Variants in SUPT5H observed in about 807,000 individuals in gnomAD.
The protein encoded by SUPT5H is transcription elongation factor SPT5.
Under a neutral mutation model 142.5 loss-of-function variants are expected in SUPT5H, and 24 were observed. The ratio of observed to expected loss-of-function variants is 0.17; its 90% CI spans 0.12 to 0.24. The LOEUF (loss-of-function observed/expected upper bound fraction) is 0.24, where lower values mean the gene tolerates loss of function less well. Among genes scored for constraint, SUPT5H ranks in the 10% least tolerant of loss-of-function variants. The probability of loss-of-function intolerance (pLI) is 1.00; values close to 1 mark genes in which losing one functional copy is unlikely to be tolerated. For missense variants in SUPT5H, 893 were observed against 1,471.8 expected (o/e 0.61, Z 6.43); for synonymous variants, 546 against 553.0 (o/e 0.99, Z 0.18).
Position 39,473,604 on chromosome 19 carries a change from T to G in SUPT5H, c.2492+83T>G. ...GGGTGTCTGGGGCATTGGAGGGGTT[T>G]GTGGGGCCCACCCAGCATTCTCTGC... On this transcript the variant is annotated intron_variant, in intron 25 of 29. Coordinates refer to ENST00000432763, the MANE Select transcript of SUPT5H (RefSeq NM_001111020.3). The surrounding 1 kb of genome is among the most constrained non-coding windows in gnomAD (Gnocchi z 5.8). 1.4e-6 allele frequency: 2 copies of G among 1,442,512 alleles called. No homozygotes were observed. Among genetic ancestry groups the G allele is most frequent in the Non-Finnish European group, 1.9e-6 (2 of 1,062,888 alleles). The allele number at this position is 1,442,512 out of a possible 1,614,324, so 89.4% of individuals were successfully genotyped here. A position where few individuals can be genotyped will look rare whatever the true frequency, so the allele number is the denominator to read the frequency against.
chr19:39,459,721 C>T (rs1704606495), intron 9 of SUPT5H, 132 bp downstream of exon 9: 5 of 1,316,240 alleles, frequency 3.8e-6, no homozygotes, highest in African/African-American at 1.4e-5. Context: ...CCATCCCTCA[C>T]TCCACGTTAC....
intron 7 of SUPT5H, 52 bp downstream of exon 7, chr19:39,459,125 G>A (rs2079128072): frequency 4.3e-6 from 7 of 1,613,486 alleles, no homozygotes; most frequent in Middle Eastern, 1.6e-4. Flanking sequence ...GTCCCTAAGC[G>A]GGAAGGGGCG....
chr19:39,445,773 G>T, intron 1 of SUPT5H, 31 bp from the exon 2 acceptor site: 2 of 1,245,808 alleles, frequency 1.6e-6, no homozygotes, highest in Non-Finnish European at 2.3e-6. Flanking sequence ...CGAGCCTGCC[G>T]GAAGCGCCCT....
intron 3 of SUPT5H, among the ~76,000 whole-genome samples, chr19:39,456,849 AC>A (rs1261745341): frequency 6.6e-6 from 1 of 152,180 alleles, no homozygotes; most frequent in Non-Finnish European, 1.5e-5. Flanking sequence ...GTGAGCCACC[AC>A]GTCCAGCCTT....
Position 39,472,257 on chromosome 19 carries a change from G to A in SUPT5H, c.1951-152G>A. 2 of 695,806 alleles carry A rather than the reference G, an allele frequency of 2.9e-6. No homozygotes were observed. Among genetic ancestry groups the A allele is most frequent in the Admixed American group, 5.0e-5 (2 of 40,362 alleles). 43.1% of individuals were successfully genotyped at this position (695,806 alleles called of 1,614,324 possible). A position where few individuals can be genotyped will look rare whatever the true frequency, so the allele number is the denominator to read the frequency against. ...GCCCTGAGGTGGGGCTTGTAGGAAA[G>A]TGTGCAGGACCAGCTGTCACAGAGG... On this transcript the variant is annotated intron_variant, in intron 20 of 29. Transcript: ENST00000432763. The surrounding 1 kb of genome is among the most constrained non-coding windows in gnomAD (Gnocchi z 4.2).
At chr19:39,450,952 G>A (rs1054246688) in intron 2 of SUPT5H, among the ~76,000 whole-genome samples, 1 of 152,056 alleles carries the variant, frequency 6.6e-6, no homozygotes, top group Non-Finnish European at 1.5e-5. Context: ...TTGTGTTTAT[G>A]ACAAACCTTC....
At position 39,474,354 on chromosome 19, in the gene SUPT5H, C is replaced by G; in HGVS notation, c.2772C>G (p.Thr924=). 6.2e-7 allele frequency: 1 copy of G among 1,614,150 alleles called. No individual in the cohort carries two copies. Among genetic ancestry groups the G allele is most frequent in the South Asian group, 1.1e-5 (1 of 91,082 alleles). The change falls in exon 27 of 30, where the codon ACC becomes ACG. Residue 924 remains threonine, a synonymous_variant. Transcript: ENST00000432763. The surrounding 1 kb of genome is among the most constrained non-coding windows in gnomAD (Gnocchi z 6.5). ...VAPSPAGYQN[T]HSPASYHPTP... ...CAAGCCCAGCAGGCTACCAGAATAC[C>G]CACTCCCCAGCCAGCTACCACCCTA...
intron 2 of SUPT5H, among the ~76,000 whole-genome samples, chr19:39,448,522 T>G (rs2078980591): frequency 2.0e-5 from 3 of 152,060 alleles, no homozygotes; most frequent in Non-Finnish European, 4.4e-5. Context: ...GTTTGCACTG[T>G]TACTAGTCTC....
At chr19:39,461,838 A>C (rs76600384) in intron 10 of SUPT5H, among the ~76,000 whole-genome samples, 1 of 138,480 alleles carries the variant, frequency 7.2e-6, no homozygotes. Flanking sequence ...AAAAAAAAAA[A>C]AATAATAATA....
chr19:39,464,275 G>A (rs868603689), intron 10 of SUPT5H, among the ~76,000 whole-genome samples: 1 of 152,138 alleles, frequency 6.6e-6, no homozygotes, highest in African/African-American at 2.4e-5. Context: ...ATGAGCCACC[G>A]TGCCCGGCTC....
At chr19:39,452,617 C>T (rs1392535974) in intron 2 of SUPT5H, among the ~76,000 whole-genome samples, 1 of 152,112 alleles carries the variant, frequency 6.6e-6, no homozygotes, top group African/African-American at 2.4e-5. Flanking sequence ...CAGTGATCTT[C>T]GTGAGCAGTG....
Position 39,458,717 on chromosome 19 carries a change from C to A in SUPT5H, c.320-101C>A. On this transcript the variant is annotated intron_variant, in intron 5 of 29. Transcript: ENST00000432763. The surrounding 1 kb of genome is among the most constrained non-coding windows in gnomAD (Gnocchi z 4.2). ...CTCTGTGAGATGTCATCTTCCTGCC[C>A]CAGGGCCAAACCCTGGCCCTCTTAG... 1 of 1,132,978 alleles carries A rather than the reference C, an allele frequency of 8.8e-7. No homozygotes were observed. The highest frequency in any genetic ancestry group is 1.3e-6 in the Non-Finnish European group (1 of 797,230). 70.2% of individuals were successfully genotyped at this position (1,132,978 alleles called of 1,614,324 possible).
intron 13 of SUPT5H, chr19:39,467,616 C>G (rs1264946897): frequency 6.6e-6 from 1 of 152,130 alleles, no homozygotes; most frequent in Non-Finnish European, 1.5e-5. Context: ...TCAGGATGCC[C>G]CCCAGACTCC....
rs1391062349 is a variant in SUPT5H, at chr19:39,472,489, T to C, written c.2031T>C (p.Ala677=). 3 of 1,613,886 alleles carry C rather than the reference T, an allele frequency of 1.9e-6. No homozygotes were observed. Among genetic ancestry groups the C allele is most frequent in the Non-Finnish European group, 2.5e-6 (3 of 1,179,920 alleles). Residue 677 remains alanine, a synonymous_variant, in exon 21 of 30, where the codon GCT becomes GCC. Transcript: ENST00000432763. This position sits in a 1 kb window ranked among gnomAD's most constrained non-coding sequence, Gnocchi z 4.2. ...TCAGCAGCCCCATGCACCCCAGTGC[T>C]GGAGGTGAGAGGGGTTCAGGGTCAG... ...PRISSPMHPS[A]GGQRGGFGSP...
At chr19:39,459,494 G>T in intron 8 of SUPT5H, 65 bp from the exon 9 acceptor site, 2 of 1,597,468 alleles carry the variant, frequency 1.3e-6, no homozygotes, top group South Asian at 1.1e-5. Context: ...TGGCCCTGGG[G>T]GTTCGTCTGT....
At position 39,473,239 on chromosome 19, in the gene SUPT5H, T is replaced by A; in HGVS notation, c.2295T>A (p.Tyr765Ter). 1.2e-6 allele frequency: 2 copies of A among 1,613,562 alleles called. No homozygotes were observed. The highest frequency in any genetic ancestry group is 1.7e-6 in the Non-Finnish European group (2 of 1,179,950). Reference sequence around the variant, plus strand: ...GCCCGGGCGGCATGACCTCGACCTATGGGAGGACGCCCATGTATGGCTCCC... The same window carrying A: ...GCCCGGGCGGCATGACCTCGACCTAAGGGAGGACGCCCATGTATGGCTCCC... ...SRRPGGMTSTYGRTPMYGSQT... is the reference protein window; with the variant it reads ...SRRPGGMTST The change falls in exon 24 of 30, where the codon TAT (tyrosine) becomes TAA (stop). Residue 765 changes from tyrosine to a stop codon, truncating the protein, a stop_gained. Coordinates refer to ENST00000432763, the MANE Select transcript of SUPT5H (RefSeq NM_001111020.3). LOFTEE classifies it high-confidence loss of function. This position sits in a 1 kb window ranked among gnomAD's most constrained non-coding sequence, Gnocchi z 5.8.
chr19:39,467,065 G>C, intron 13 of SUPT5H: 1 of 197,876 alleles, frequency 5.1e-6, no homozygotes, highest in Non-Finnish European at 1.0e-5. Context: ...ATAATAAAAA[G>C]AAAAAAGTTA....
chr19:39,460,074 A>C, intron 10 of SUPT5H, 114 bp downstream of exon 10: 1 of 1,062,914 alleles, frequency 9.4e-7, no homozygotes, highest in Non-Finnish European at 1.4e-6. Flanking sequence ...CTGCCTGCTG[A>C]GTGAGCTGCT....
intron 10 of SUPT5H, among the ~76,000 whole-genome samples, chr19:39,463,103 C>T (rs2079187584): frequency 6.6e-6 from 1 of 150,694 alleles, no homozygotes; most frequent in Non-Finnish European, 1.5e-5. Flanking sequence ...GATGATCCAC[C>T]CCTCAGCCTC....
Sources: gnomAD v4.1 joint callset for allele counts (sites outside exome capture counted in the v4.1 genomes callset) on GRCh38, gnomAD v4.1.1 for gene constraint, Gnocchi (gnomAD v3.1) non-coding constraint, MANE v1.5 for transcripts, NCBI Gene and HGNC (gene_info 2026-07-23, HGNC 2026-07-21) for gene names.